The following MINDY4 variants were observed in gnomAD, a reference collection of about 807,000 sequenced individuals.
MINDY4 encodes probable ubiquitin carboxyl-terminal hydrolase MINDY-4.
Under a neutral mutation model 87.0 loss-of-function variants are expected in MINDY4, and 68 were observed. The ratio of observed to expected loss-of-function variants is 0.78; its 90% CI spans 0.64 to 0.96. The LOEUF is 0.96. Among genes scored for constraint, MINDY4 ranks in the 40% least tolerant of loss-of-function variants. The pLI is 0.00. For missense variants in MINDY4, 919 were observed against 928.2 expected (o/e 0.99, Z 0.13); for synonymous variants, 379 against 363.2 (o/e 1.04, Z -0.50).
chr7:30,803,581 GA>G (rs1193651702), intron 5 of MINDY4, among the ~76,000 whole-genome samples: 1 of 152,130 alleles, frequency 6.6e-6, no homozygotes, highest in East Asian at 1.9e-4. Flanking sequence ...GAGTGGGTTT[GA>G]ATAACCCAGT....
intron 14 of MINDY4, among the ~76,000 whole-genome samples, chr7:30,872,778 A>G (rs1182830871): frequency 2.0e-5 from 3 of 152,226 alleles, no homozygotes; most frequent in East Asian, 1.9e-4. Context: ...ACAGGGGCAA[A>G]GAAGACCCTG....
At chr7:30,771,838 AG>A (rs1786646831) in intron 1 of MINDY4, among the ~76,000 whole-genome samples, 2 of 152,100 alleles carry the variant, frequency 1.3e-5, no homozygotes, top group Admixed American at 1.3e-4. Context: ...GCAGCTGGGG[AG>A]GGGGCCTGGG....
chr7:30,853,384 G>A lies in MINDY4; in HGVS notation c.1612-10G>A, dbSNP rs1431505068. ...TGGGCCACTCATCCTGAGTGTTTGT[G>A]TCTTCTCAGCTTACGCTTCACAGTT... On this transcript the variant is annotated splice_polypyrimidine_tract_variant and intron_variant, in intron 11 of 17. Coordinates refer to ENST00000265299, the MANE Select transcript of MINDY4 (RefSeq NM_032222.3). 6.2e-7 allele frequency: 1 copy of A among 1,612,554 alleles called. No homozygotes were observed. Among genetic ancestry groups the A allele is most frequent in the East Asian group, 2.2e-5 (1 of 44,856 alleles).
intron 10 of MINDY4, 73 bp from the exon 11 acceptor site, chr7:30,852,143 G>A (rs1789432941): frequency 1.9e-6 from 3 of 1,555,774 alleles, no homozygotes; most frequent in South Asian, 2.3e-5. Context: ...AATGACACAT[G>A]TGGTTTCGCC....
At chr7:30,840,705 A>G in intron 8 of MINDY4, 55 bp from the exon 9 acceptor site, 1 of 1,562,822 alleles carries the variant, frequency 6.4e-7, no homozygotes, top group Non-Finnish European at 8.8e-7. Flanking sequence ...GGGTGAAACC[A>G]AAAACTCTGC....
chr7:30,878,164 C>T (rs1198842321), intron 15 of MINDY4, among the ~76,000 whole-genome samples: 1 of 152,116 alleles, frequency 6.6e-6, no homozygotes, highest in Non-Finnish European at 1.5e-5. Flanking sequence ...AGCACAGACA[C>T]AGCCGTGGGA....
At chr7:30,863,844 G>T (rs573586251) in intron 13 of MINDY4, among the ~76,000 whole-genome samples, 51 of 152,234 alleles carry the variant, frequency 3.4e-4, no homozygotes, top group Non-Finnish European at 6.5e-4. Context: ...AATTGCTTCC[G>T]GTAAATCTCA....
chr7:30,825,448 G>C (rs1271970190), intron 5 of MINDY4, among the ~76,000 whole-genome samples: 4 of 152,208 alleles, frequency 2.6e-5, no homozygotes, highest in African/African-American at 4.8e-5. Context: ...CACCATCTCA[G>C]CGGGCTCATG....
intron 11 of MINDY4, among the ~76,000 whole-genome samples, chr7:30,852,857 G>A (rs897096313): frequency 6.6e-6 from 1 of 152,174 alleles, no homozygotes; most frequent in Non-Finnish European, 1.5e-5. Context: ...TTTGACCTCG[G>A]TTTGGGCACG....
At chr7:30,888,218 A>AT (rs1326722055) in intron 17 of MINDY4, among the ~76,000 whole-genome samples, 12 of 152,116 alleles carry the variant, frequency 7.9e-5, no homozygotes, top group Non-Finnish European at 1.8e-4. Flanking sequence ...TTTCTCTGTG[A>AT]TTTTAAGTTG....
chr7:30,857,156 C>G (rs999571649), intron 12 of MINDY4, among the ~76,000 whole-genome samples: 1 of 152,180 alleles, frequency 6.6e-6, no homozygotes, highest in Non-Finnish European at 1.5e-5. Flanking sequence ...GCTGTGCCCC[C>G]GCATAGTCAG....
At chr7:30,853,591 T>A in intron 12 of MINDY4, 132 bp downstream of exon 12, 1 of 798,352 alleles carries the variant, frequency 1.3e-6, no homozygotes, top group Non-Finnish European at 2.1e-6. Context: ...TGGGAAGGAG[T>A]AATGCTGGCC....
chr7:30,806,912 C>T (rs1037936528), intron 5 of MINDY4, among the ~76,000 whole-genome samples: 1 of 152,232 alleles, frequency 6.6e-6, no homozygotes, highest in African/African-American at 2.4e-5. Flanking sequence ...CATGTCCCTG[C>T]TTCTGCCTTG....
At chr7:30,815,916 A>T (rs1393870260) in intron 5 of MINDY4, among the ~76,000 whole-genome samples, 4 of 152,322 alleles carry the variant, frequency 2.6e-5, no homozygotes, top group African/African-American at 9.6e-5. Flanking sequence ...TAAGAAAATG[A>T]AGGCAGTGCC....
intron 1 of MINDY4, among the ~76,000 whole-genome samples, chr7:30,773,162 A>G (rs1046108282): frequency 1.3e-5 from 2 of 152,230 alleles, no homozygotes; most frequent in South Asian, 2.1e-4. Flanking sequence ...GCTCTAGGGC[A>G]GAGACCACGT....
intron 12 of MINDY4, chr7:30,858,937 A>C: frequency 1.7e-6 from 1 of 591,264 alleles, no homozygotes; most frequent in Non-Finnish European, 3.2e-6. Context: ...TCGGGGTGAT[A>C]ATGCCCATTA....
intron 12 of MINDY4, 160 bp from the exon 13 acceptor site, chr7:30,859,097 T>C (rs746816968): frequency 1.4e-6 from 1 of 728,586 alleles, no homozygotes; most frequent in Non-Finnish European, 2.5e-6. Flanking sequence ...TCCCATCCTT[T>C]AGGAGGTCAG....
intron 5 of MINDY4, among the ~76,000 whole-genome samples, chr7:30,797,097 T>G (rs1787511334): frequency 6.6e-6 from 1 of 152,166 alleles, no homozygotes; most frequent in South Asian, 2.1e-4. Context: ...TTTAGAATAT[T>G]TATACCATGG....
At chr7:30,834,549 C>T (rs2128564904) in intron 6 of MINDY4, among the ~76,000 whole-genome samples, 1 of 152,352 alleles carries the variant, frequency 6.6e-6, no homozygotes, top group East Asian at 1.9e-4. Context: ...GAGACGTTTT[C>T]CCCATTGTCT....
Sources: gnomAD v4.1 joint callset for allele counts (sites outside exome capture counted in the v4.1 genomes callset) on GRCh38, gnomAD v4.1.1 for gene constraint, MANE v1.5 for transcripts, NCBI Gene and HGNC (gene_info 2026-07-23, HGNC 2026-07-21) for gene names.